KIAA1328: variants seen among roughly 807,000 people sequenced by gnomAD.
KIAA1328 encodes KIAA1328, also known as protein hinderin.
KIAA1328 carries 52 observed loss-of-function variants against 68.1 expected under a neutral mutation model. That is an observed-to-expected ratio of 0.76 (90% CI 0.61 to 0.96). The LOEUF (loss-of-function observed/expected upper bound fraction) is 0.96. Among genes scored for constraint, KIAA1328 ranks in the 40% least tolerant of loss-of-function variants. The pLI, the probability that KIAA1328 is intolerant of heterozygous loss-of-function variation, is 0.00. For synonymous variants in KIAA1328, 232 were observed against 239.4 expected (o/e 0.97, Z 0.28); for missense variants, 641 against 677.6 (o/e 0.95, Z 0.60).
chr18:36,904,203 T>C (rs1225143107), intron 5 of KIAA1328, among the ~76,000 whole-genome samples: 2 of 152,172 alleles, frequency 1.3e-5, no homozygotes, highest in South Asian at 2.1e-4. Context: ...TTTGCTGCTA[T>C]ATTAACATAG....
At chr18:37,119,005 A>G (rs1201498636) in intron 7 of KIAA1328, among the ~76,000 whole-genome samples, 1 of 152,184 alleles carries the variant, frequency 6.6e-6, no homozygotes, top group Admixed American at 6.5e-5. Context: ...GATGGGGGAT[A>G]TGCTAAGATC....
intron 7 of KIAA1328, among the ~76,000 whole-genome samples, chr18:37,126,994 T>G (rs568890494): frequency 1.3e-5 from 2 of 152,276 alleles, no homozygotes; most frequent in South Asian, 4.1e-4. Context: ...GGTAAAAGAC[T>G]TCACCGTACC....
chr18:36,857,412 C>T (rs1485584510), intron 4 of KIAA1328, among the ~76,000 whole-genome samples: 1 of 152,178 alleles, frequency 6.6e-6, no homozygotes, highest in African/African-American at 2.4e-5. Context: ...GACACAAAAG[C>T]AAGCCTCTCT....
At chr18:37,057,629 G>A (rs1291436573) in intron 6 of KIAA1328, among the ~76,000 whole-genome samples, 2 of 151,536 alleles carry the variant, frequency 1.3e-5, no homozygotes, top group South Asian at 4.2e-4. Flanking sequence ...TAGAAACGGG[G>A]TTTCACCGTG....
At chr18:37,103,288 G>A in intron 7 of KIAA1328, among the ~76,000 whole-genome samples, 1 of 152,126 alleles carries the variant, frequency 6.6e-6, no homozygotes, top group South Asian at 2.1e-4. Flanking sequence ...AAACAGCATG[G>A]TCTTAGTATG....
chr18:36,892,621 C>T (rs960517977), intron 5 of KIAA1328, among the ~76,000 whole-genome samples: 1 of 152,064 alleles, frequency 6.6e-6, no homozygotes, highest in Non-Finnish European at 1.5e-5. Context: ...ATAATCATCA[C>T]GAATACTACA....
chr18:37,074,161 A>T (rs1448611582), intron 7 of KIAA1328, among the ~76,000 whole-genome samples: 1 of 152,116 alleles, frequency 6.6e-6, no homozygotes, highest in East Asian at 1.9e-4. Context: ...GTCGATATAG[A>T]CTGCTCCTTT....
At chr18:37,044,310 C>T (rs2055375359) in intron 6 of KIAA1328, among the ~76,000 whole-genome samples, 1 of 151,918 alleles carries the variant, frequency 6.6e-6, no homozygotes, top group Non-Finnish European at 1.5e-5. Flanking sequence ...TTTTCAAGAA[C>T]AGTAACTATG....
Position 37,019,349 on chromosome 18 carries a change from C to T in KIAA1328, c.577-47541C>T, listed in dbSNP as rs926869106. ...TGCAGCCAATATGACTGGGTGTATA[C>T]TTGATCCTTGTTTACTGGCAGAAGT... On this transcript the variant is annotated intron_variant, in intron 6 of 9. Transcript: ENST00000280020. 2.6e-5 allele frequency among the ~76,000 whole-genome samples: 4 copies of T among 152,332 alleles called. No homozygotes were observed. The East Asian group carries it at 7.7e-4, about 29-fold the overall frequency.
At chr18:36,923,810 T>A (rs1030903041) in intron 5 of KIAA1328, 1 of 152,258 alleles carries the variant, frequency 6.6e-6, no homozygotes, top group African/African-American at 2.4e-5. Flanking sequence ...ATCATTTACC[T>A]ACATGTGACT....
chr18:37,152,955 A>G (rs116546090), intron 7 of KIAA1328, among the ~76,000 whole-genome samples: 78 of 152,286 alleles, frequency 5.1e-4, no homozygotes, highest in African/African-American at 1.8e-3. Flanking sequence ...CCTGGAGGCC[A>G]GGCATGTTCA....
chr18:37,130,478 C>T (rs2058496102), intron 7 of KIAA1328, among the ~76,000 whole-genome samples: 1 of 152,018 alleles, frequency 6.6e-6, no homozygotes, highest in Non-Finnish European at 1.5e-5. Context: ...ATTAGCTGGG[C>T]ATGGTGGTGC....
At chr18:37,103,770 T>C (rs2057692587) in intron 7 of KIAA1328, among the ~76,000 whole-genome samples, 2 of 151,356 alleles carry the variant, frequency 1.3e-5, no homozygotes, top group African/African-American at 4.9e-5. Flanking sequence ...AGGACTAATA[T>C]CCTGAATACA....
intron 9 of KIAA1328, among the ~76,000 whole-genome samples, chr18:37,192,289 C>G (rs2059921622): frequency 6.6e-6 from 1 of 151,946 alleles, no homozygotes; most frequent in Non-Finnish European, 1.5e-5. Flanking sequence ...TCCATATTGT[C>G]TTTCTCTTTG....
At chr18:37,131,691 A>G (rs2058525601) in intron 7 of KIAA1328, among the ~76,000 whole-genome samples, 1 of 152,214 alleles carries the variant, frequency 6.6e-6, no homozygotes, top group African/African-American at 2.4e-5. Context: ...TCATTTGGCA[A>G]CTATACAGTA....
chr18:36,999,871 A>G (rs2053524272), intron 6 of KIAA1328, among the ~76,000 whole-genome samples: 1 of 152,118 alleles, frequency 6.6e-6, no homozygotes, highest in Non-Finnish European at 1.5e-5. Flanking sequence ...CAAAAGAGGA[A>G]GAAAAAAGAA....
At chr18:37,157,213 A>C (rs2059171109) in intron 7 of KIAA1328, among the ~76,000 whole-genome samples, 1 of 152,206 alleles carries the variant, frequency 6.6e-6, no homozygotes. Context: ...GACGTTCAGC[A>C]GACAAGGAGA....
chr18:37,014,642 A>G (rs1412348509), intron 6 of KIAA1328, among the ~76,000 whole-genome samples: 2 of 152,160 alleles, frequency 1.3e-5, no homozygotes, highest in Non-Finnish European at 2.9e-5. Context: ...CACATCTTAA[A>G]TGGCCAGAGC....
chr18:37,011,275 T>G (rs2053970583), intron 6 of KIAA1328, among the ~76,000 whole-genome samples: 1 of 152,182 alleles, frequency 6.6e-6, no homozygotes, highest in African/African-American at 2.4e-5. Context: ...CTCTTGATTT[T>G]CCTCCCTAAC....
Sources: gnomAD v4.1 joint callset for allele counts (sites outside exome capture counted in the v4.1 genomes callset) on GRCh38, gnomAD v4.1.1 for gene constraint, MANE v1.5 for transcripts, NCBI Gene and HGNC (gene_info 2026-07-23, HGNC 2026-07-21) for gene names.